Variants in RHOU observed in about 807,000 individuals in gnomAD.
RHOU encodes rho-related GTP-binding protein RhoU.
Under a neutral mutation model 12.6 loss-of-function variants are expected in RHOU, and 8 were observed. That is an observed-to-expected ratio of 0.64 (90% CI 0.37 to 1.15). The LOEUF is 1.15. Ranked by LOEUF, RHOU falls within the 50% of genes most tolerant of loss-of-function variation. RHOU has a pLI of 0.01. For missense variants in RHOU, 258 were observed against 347.0 expected (o/e 0.74, Z 2.04); for synonymous variants, 161 against 147.4 (o/e 1.09, Z -0.67).
chr1:228,667,847 T>A, the RHOU span, among the ~76,000 whole-genome samples: 2 of 152,214 alleles, frequency 1.3e-5, no homozygotes, highest in South Asian at 4.1e-4. Flanking sequence ...TGTGATATTG[T>A]CATATAATAA....
In RHOU at chr1:228,735,601, G is replaced by A; in HGVS notation, c.-142G>A. On this transcript the variant is annotated 5_prime_UTR_variant, in exon 1 of 3. Coordinates refer to ENST00000366691, the MANE Select transcript of RHOU (RefSeq NM_021205.6). This position sits in a 1 kb window ranked among gnomAD's most constrained non-coding sequence, Gnocchi z 8.1. Reference sequence around the variant, plus strand: ...GCCGCCTTTGTCTACTGGCCGTGCGGCCCGGAACCGCCACTCTCCAGGGCC... The same window carrying A: ...GCCGCCTTTGTCTACTGGCCGTGCGACCCGGAACCGCCACTCTCCAGGGCC... The A allele has an allele frequency of 3.3e-6, 2 of 606,066 alleles. No individual in the cohort carries two copies. The highest frequency in any genetic ancestry group is 4.5e-6 in the Non-Finnish European group (2 of 440,574). The allele number at this position is 606,066 out of a possible 1,614,324, so 37.5% of individuals were successfully genotyped here.
chr1:228,720,861 T>C, the RHOU span, among the ~76,000 whole-genome samples: 1 of 151,254 alleles, frequency 6.6e-6, no homozygotes, highest in African/African-American at 2.4e-5. Context: ...CTCCCACCCC[T>C]GGCCCCGCAC....
chr1:228,650,546 C>T, the RHOU span: 5 of 456,630 alleles, frequency 1.1e-5, no homozygotes, highest in Non-Finnish European at 2.2e-5. Context: ...GAGGAGAGTG[C>T]CCGGCGGGTT....
the RHOU span, among the ~76,000 whole-genome samples, chr1:228,674,711 T>G: frequency 6.6e-6 from 1 of 151,324 alleles, no homozygotes; most frequent in African/African-American, 2.4e-5. Context: ...TGTATACTTG[T>G]ATATTATATT....
At chr1:228,719,968 A>T in the RHOU span, among the ~76,000 whole-genome samples, 3 of 152,208 alleles carry the variant, frequency 2.0e-5, no homozygotes, top group African/African-American at 4.8e-5. Context: ...CGTATCTTTT[A>T]AAAAAGTTAG....
At chr1:228,716,752 G>A in the RHOU span, among the ~76,000 whole-genome samples, 1 of 56,234 alleles carries the variant, frequency 1.8e-5, no homozygotes, top group African/African-American at 2.2e-4. Flanking sequence ...ACACACATGT[G>A]TGTGTATATG....
chr1:228,646,789 G>T, the RHOU span, among the ~76,000 whole-genome samples: 3 of 151,936 alleles, frequency 2.0e-5, no homozygotes, highest in Non-Finnish European at 1.5e-5. Context: ...CGCGAGCACG[G>T]GTGCGCAGAC....
At chr1:228,678,864 A>G in the RHOU span, among the ~76,000 whole-genome samples, 2 of 152,076 alleles carry the variant, frequency 1.3e-5, no homozygotes, top group South Asian at 4.2e-4. Flanking sequence ...TAAAAGTATT[A>G]AGGCAGTGGC....
chr1:228,691,577 C>T, the RHOU span, among the ~76,000 whole-genome samples: 5 of 152,158 alleles, frequency 3.3e-5, no homozygotes, highest in Non-Finnish European at 5.9e-5. Context: ...TGTAGAGGCT[C>T]AATAGCTTAT....
chr1:228,662,979 T>A, the RHOU span, among the ~76,000 whole-genome samples: 1 of 152,228 alleles, frequency 6.6e-6, no homozygotes, highest in Non-Finnish European at 1.5e-5. Flanking sequence ...TCTTGGTGGA[T>A]GACTCTAGAC....
At chr1:228,646,863 T>G in the RHOU span, among the ~76,000 whole-genome samples, 24 of 150,386 alleles carry the variant, frequency 1.6e-4, no homozygotes, top group African/African-American at 5.9e-4. Flanking sequence ...AAGGAGAAGA[T>G]GGATGGAGAG....
the RHOU span, chr1:228,650,249 G>GCAA: frequency 2.2e-6 from 1 of 458,012 alleles, no homozygotes; most frequent in Non-Finnish European, 4.4e-6. Flanking sequence ...ACGTGGCGCT[G>GCAA]GGTCGCTGGG....
the RHOU span, among the ~76,000 whole-genome samples, chr1:228,700,175 A>G: frequency 6.6e-6 from 1 of 152,186 alleles, no homozygotes; most frequent in Non-Finnish European, 1.5e-5. Flanking sequence ...CTTAACTACG[A>G]ATTTTGTTTC....
chr1:228,658,741 G>A, the RHOU span, among the ~76,000 whole-genome samples: 14 of 152,118 alleles, frequency 9.2e-5, no homozygotes, highest in African/African-American at 3.4e-4. Flanking sequence ...CCCATAAGTA[G>A]GCCAAAATCC....
At chr1:228,741,619 GTTTA>G (rs1235947102) in intron 2 of RHOU, among the ~76,000 whole-genome samples, 2 of 152,088 alleles carry the variant, frequency 1.3e-5, no homozygotes, top group African/African-American at 4.8e-5. Context: ...GTGTTTCTGT[GTTTA>G]TTTATTCATC....
At chr1:228,694,415 G>A in the RHOU span, among the ~76,000 whole-genome samples, 2 of 152,068 alleles carry the variant, frequency 1.3e-5, no homozygotes, top group African/African-American at 4.8e-5. Context: ...TTGCTGCACA[G>A]GTCATCCCAT....
At chr1:228,715,271 A>C in the RHOU span, among the ~76,000 whole-genome samples, 1 of 152,122 alleles carries the variant, frequency 6.6e-6, no homozygotes, top group East Asian at 1.9e-4. Flanking sequence ...TGCTTTAAAT[A>C]ATCATATTTC....
At chr1:228,687,858 A>T in the RHOU span, 1 of 1,068,336 alleles carries the variant, frequency 9.4e-7, no homozygotes, top group South Asian at 1.2e-5. Context: ...TAGCCGTGGG[A>T]GTGACTTCCC....
At chr1:228,719,688 C>T in the RHOU span, among the ~76,000 whole-genome samples, 3 of 152,066 alleles carry the variant, frequency 2.0e-5, no homozygotes, top group Non-Finnish European at 4.4e-5. Flanking sequence ...TGGGATCACA[C>T]CACTGCACTC....
Sources: allele counts gnomAD v4.1 joint callset (sites outside exome capture counted in the v4.1 genomes callset), GRCh38; gene constraint gnomAD v4.1.1; non-coding constraint Gnocchi (gnomAD v3.1); transcripts MANE v1.5; gene names NCBI Gene and HGNC (gene_info 2026-07-23, HGNC 2026-07-21).